The following EPHB4 variants were observed in gnomAD, a reference collection of about 807,000 sequenced individuals.
The protein encoded by EPHB4 is EPH receptor B4, also known as ephrin type-B receptor 4.
EPHB4 carries 50 observed loss-of-function variants against 110.6 expected under a neutral mutation model. The ratio of observed to expected loss-of-function variants is 0.45; its 90% confidence interval spans 0.36 to 0.57. The LOEUF is 0.57. Among genes scored for constraint, EPHB4 ranks in the 20% least tolerant of loss-of-function variants. EPHB4 has a pLI of 0.00. For missense variants in EPHB4, 1,128 were observed against 1,382.1 expected (o/e 0.82, Z 2.91); for synonymous variants, 592 against 578.4 (o/e 1.02, Z -0.34).
chr7:100,807,365 C>T lies in EPHB4; in HGVS notation c.2334G>A (p.Leu778=). The T allele has an allele frequency of 6.2e-7, 1 of 1,613,560 alleles. No homozygotes were observed. Among genetic ancestry groups the T allele is most frequent in the Non-Finnish European group, 8.5e-7 (1 of 1,179,840 alleles). ...NSSDPTYTSS[L]GGKIPIRWTA... ...CACCCAGTATTACCCCCAGCATTAC[C>T]AGGGAGCTCGTGTAGGTGGGATCGG... Residue 778 remains leucine, a splice_region_variant and synonymous_variant, in exon 13 of 17, where the codon CTG becomes CTA. Transcript: ENST00000358173.
intron 16 of EPHB4, 62 bp downstream of exon 16, chr7:100,805,104 C>G: frequency 6.4e-7 from 1 of 1,558,926 alleles, no homozygotes; most frequent in Non-Finnish European, 8.7e-7. Flanking sequence ...CTGGAGACCC[C>G]GTGGGCCTGA....
In EPHB4 at chr7:100,812,749, G is replaced by A; in HGVS notation, c.2116C>T (p.Arg706Trp). The A allele has an allele frequency of 1.9e-6, 3 of 1,612,318 alleles. No homozygotes were observed. Among genetic ancestry groups the A allele is most frequent in the East Asian group, 2.2e-5 (1 of 44,872 alleles). ...MENGALDSFL[R>W]LNDGQFTVIQ... ...CAGAAGCCAGGGAGGGTGCTCACCC[G>A]CAGGAAGGAGTCCAGGGCGCCGTTC... The change falls in exon 12 of 17, where the codon CGG becomes TGG. Residue 706 changes from arginine (R) to tryptophan (W), a missense_variant and splice_region_variant. Physicochemically the swap from Arg to Trp is moderately radical, Grantham distance 101. Transcript: ENST00000358173.
chr7:100,827,054 T>G lies in EPHB4; in HGVS notation c.-24A>C. 6.4e-7 allele frequency: 1 copy of G among 1,569,352 alleles called. No individual in the cohort carries two copies. The highest frequency in any genetic ancestry group is 8.6e-7 in the Non-Finnish European group (1 of 1,157,564). ...ATGGCGCCGCCTCACTCGGGTAGGA[T>G]CCGAACTGAGTTTGGGGGGCCCTCG... is the stretch of plus-strand genomic sequence containing the variant. On this transcript the variant is annotated 5_prime_UTR_variant, in exon 1 of 17. Transcript: ENST00000358173.
rs1813148103 is a variant in EPHB4, at chr7:100,818,809, T to G, written c.1298-165A>C. ...CCTCCGCCTCCTGGGTTCAAGCAAT[T>G]CTTCTGGTTGCTTCCCAAGTGGATT... On this transcript the variant is annotated intron_variant, in intron 6 of 16. Coordinates refer to ENST00000358173, the MANE Select transcript of EPHB4 (RefSeq NM_004444.5). Among the ~76,000 whole-genome samples the G allele has an allele frequency of 1.3e-5, 2 of 150,814 alleles. 1 individual carries two copies. The highest frequency in any genetic ancestry group is 3.0e-5 in the Non-Finnish European group (2 of 67,602).
Position 100,827,087 on chromosome 7 carries a change from A to AG in EPHB4, c.-58dup, listed in dbSNP as rs1242009930. The AG allele has an allele frequency of 7.0e-5, 108 of 1,537,680 alleles. No individual in the cohort carries two copies. Among genetic ancestry groups the AG allele is most frequent in the South Asian group, 5.4e-4 (45 of 83,532 alleles). ...GAGTTTGGGGGGCCCTCGCCCCCCC[A>AG]GGTCTGACTCTCCCTGGGCGGGTGG... On this transcript the variant is annotated 5_prime_UTR_variant, in exon 1 of 17. Coordinates refer to ENST00000358173, the MANE Select transcript of EPHB4 (RefSeq NM_004444.5).
In EPHB4 at chr7:100,819,769, C is replaced by T. The variant is rs759900530; in HGVS notation, c.1085G>A (p.Arg362Gln). The stretch of plus-strand genomic sequence containing the variant: ...ACAGGAGCCTCCGGGTCGGCACTCC[C>T]GGCAGCGGAGGGCGTAGGTGAGGTC... ...REDLTYALRC[R>Q]ECRPGGSCAP... Residue 362 changes from arginine to glutamine, a missense_variant, in exon 6 of 17, where the codon CGG becomes CAG. Around this residue, in one of 3 missense-constraint regions of EPHB4, gnomAD observed 728 missense variants for 828.6 expected, o/e 0.88. Coordinates refer to ENST00000358173, the MANE Select transcript of EPHB4 (RefSeq NM_004444.5). The T allele has an allele frequency of 2.9e-5, 46 of 1,594,748 alleles. No homozygotes were observed. The highest frequency in any genetic ancestry group is 5.3e-5 in the Admixed American group (3 of 56,448).
At chr7:100,819,527 C>A (rs563654365) in intron 6 of EPHB4, 30 bp downstream of exon 6, 14 of 1,532,700 alleles carry the variant, frequency 9.1e-6, no homozygotes, top group Non-Finnish European at 1.2e-5. Flanking sequence ...TCCCGCCAGA[C>A]CACCAGCCGC....
Position 100,813,131 on chromosome 7 carries a change from C to T in EPHB4, c.1834G>A (p.Val612Ile). 6.2e-7 allele frequency: 1 copy of T among 1,612,654 alleles called. No individual in the cohort carries two copies. Among genetic ancestry groups the T allele is most frequent in the South Asian group, 1.1e-5 (1 of 91,084 alleles). The change falls in exon 11 of 17, where the codon GTC becomes ATC. Residue 612 changes from valine (V) to isoleucine (I), a missense_variant. Transcript: ENST00000358173. ...AVREFAKEIDVSYVKIEEVIG... is the reference protein window; with the variant it reads ...AVREFAKEIDISYVKIEEVIG... ...ACCTCTTCAATCTTGACGTAGGAGA[C>T]ATCGATCTCTTTTGCAAATTCCCTC...
chr7:100,818,871 T>G (rs1003047370), intron 6 of EPHB4, among the ~76,000 whole-genome samples: 40 of 151,992 alleles, frequency 2.6e-4, no homozygotes, highest in African/African-American at 9.7e-4. Flanking sequence ...AATTTTTTTA[T>G]TTTTAGTAGA....
chr7:100,824,426 C>T (rs1449120947), intron 1 of EPHB4, 153 bp from the exon 2 acceptor site: 15 of 738,396 alleles, frequency 2.0e-5, no homozygotes, highest in East Asian at 5.3e-5. Flanking sequence ...CCTCTGCACC[C>T]GCCTGATTTC....
At chr7:100,817,109 A>G in intron 8 of EPHB4, 83 bp downstream of exon 8, 3 of 807,488 alleles carry the variant, frequency 3.7e-6, no homozygotes, top group South Asian at 2.4e-5. Context: ...AAAAAAGATG[A>G]TGGGACTTTG....
intron 4 of EPHB4, among the ~76,000 whole-genome samples, chr7:100,821,576 C>T (rs1016300629): frequency 2.0e-5 from 3 of 149,398 alleles, no homozygotes; most frequent in African/African-American, 4.9e-5. Context: ...TGCAGTGAGC[C>T]GAGATCGCAC....
chr7:100,813,305 G>GTTT, intron 10 of EPHB4, 97 bp from the exon 11 acceptor site: 7 of 614,764 alleles, frequency 1.1e-5, no homozygotes, highest in Admixed American at 4.1e-5. Flanking sequence ...CTGTCTCCGT[G>GTTT]GTTTTTTTTT....
chr7:100,805,220 C>T lies in EPHB4; in HGVS notation c.2780G>A (p.Ser927Asn), dbSNP rs199674277. The T allele has an allele frequency of 2.1e-5, 34 of 1,613,288 alleles. No homozygotes were observed. The highest frequency in any genetic ancestry group is 2.7e-5 in the Non-Finnish European group (32 of 1,179,758). ...RAIKMGRYEESFAAAGFGSFE... is the reference protein window; with the variant it reads ...RAIKMGRYEENFAAAGFGSFE... ...GGAGCCAAAGCCAGCGGCTGCGAAACTTTCTTCGTATCTTCCCATTTTGAT... is the reference window on the plus strand; with the variant it reads ...GGAGCCAAAGCCAGCGGCTGCGAAATTTTCTTCGTATCTTCCCATTTTGAT... The change falls in exon 16 of 17, where the codon AGT (serine) becomes AAT (asparagine). Residue 927 changes from serine (S) to asparagine (N), a missense_variant. Ser to Asn is a conservative substitution (Grantham distance 46). Transcript: ENST00000358173.
At chr7:100,821,375 A>G (rs1301645391) in intron 4 of EPHB4, 2 of 151,368 alleles carry the variant, frequency 1.3e-5, no homozygotes, top group African/African-American at 4.9e-5. Context: ...CACACCTGTA[A>G]TCCCAGCACT....
chr7:100,812,444 G>T (rs1235050550), intron 12 of EPHB4, among the ~76,000 whole-genome samples: 1 of 151,872 alleles, frequency 6.6e-6, no homozygotes, highest in Non-Finnish European at 1.5e-5. Context: ...ACAAAAATTA[G>T]TCAGCATGGT....
intron 5 of EPHB4, 39 bp from the exon 6 acceptor site, chr7:100,819,928 T>C: frequency 6.6e-7 from 1 of 1,518,554 alleles, no homozygotes; most frequent in Non-Finnish European, 8.9e-7. Context: ...GCCGACCTGC[T>C]CTGCGGTGGT....
chr7:100,805,804 C>G, intron 14 of EPHB4, 110 bp from the exon 15 acceptor site: 1 of 1,107,424 alleles, frequency 9.0e-7, no homozygotes, highest in Non-Finnish European at 1.2e-6. Flanking sequence ...CCACAGCCCC[C>G]CAAAAAATAA....
intron 6 of EPHB4, among the ~76,000 whole-genome samples, chr7:100,819,012 C>T (rs558381324): frequency 6.6e-6 from 1 of 152,298 alleles, no homozygotes; most frequent in East Asian, 1.9e-4. Context: ...CTGGCTGTTT[C>T]GAGAATTCCT....
Sources: allele counts gnomAD v4.1 joint callset (sites outside exome capture counted in the v4.1 genomes callset), GRCh38; gene constraint gnomAD v4.1.1; regional missense constraint gnomAD v4.1.1; transcripts MANE v1.5; gene names NCBI Gene and HGNC (gene_info 2026-07-23, HGNC 2026-07-21).